PHACTR4: variants seen among roughly 807,000 people sequenced by gnomAD.
The protein encoded by PHACTR4 is phosphatase and actin regulator 4.
PHACTR4 carries 51 observed loss-of-function variants against 72.7 expected under a neutral mutation model. The observed-to-expected ratio is 0.70, with a 90% CI of 0.56 to 0.89. PHACTR4 has a LOEUF of 0.89. PHACTR4 is among the 40% of genes least tolerant of loss of function. PHACTR4 has a pLI of 0.00. For missense variants in PHACTR4, 731 were observed against 861.8 expected, an observed-to-expected ratio of 0.85 and a Z score of 1.90; for synonymous variants, 255 against 302.5, an observed-to-expected ratio of 0.84 and a Z score of 1.63.
intron 2 of PHACTR4, among the ~76,000 whole-genome samples, chr1:28,409,951 ATTTTTTTTTTTTTTTTTTTTTT>A (rs57186471): frequency 0.022 from 1,495 of 66,544 alleles, 70 homozygotes; most frequent in African/African-American, 0.09. Context: ...TTCTTCATAA[ATTTTTTTTTTTTTTTTTTTTTT>A]TTTTTTTTTT....
chr1:28,471,660 C>A (rs1659568895), intron 6 of PHACTR4, among the ~76,000 whole-genome samples: 1 of 152,038 alleles, frequency 6.6e-6, no homozygotes, highest in Admixed American at 6.6e-5. Context: ...TGAAACAACA[C>A]CAACACCTTT....
chr1:28,378,058 A>G (rs192152442), intron 1 of PHACTR4, among the ~76,000 whole-genome samples: 1,548 of 150,434 alleles, frequency 0.01, 33 homozygotes, highest in African/African-American at 0.036. Flanking sequence ...TTATCCGGGC[A>G]TGGTGGTGGG....
rs1661028227 is a variant in PHACTR4 at position 28,491,402 on chromosome 1, G to T, written c.1879-248G>T. 7.3e-5 allele frequency among the ~76,000 whole-genome samples: 11 copies of T among 151,652 alleles called. No individual in the cohort carries two copies. In the South Asian group the frequency reaches 2.3e-3, roughly 32 times the overall value. On this transcript the variant is annotated intron_variant, in intron 11 of 13. Coordinates refer to ENST00000373839, the MANE Select transcript of PHACTR4 (RefSeq NM_001048183.3). Reference sequence around the variant, plus strand: ...GAGCTTGGGAGGTTGAGGCTGCAGTGAGCTGTGATTGTGCCACTGCACTCC... The same window carrying T: ...GAGCTTGGGAGGTTGAGGCTGCAGTTAGCTGTGATTGTGCCACTGCACTCC...
intron 13 of PHACTR4, among the ~76,000 whole-genome samples, chr1:28,496,285 T>C (rs1213164682): frequency 2.6e-5 from 4 of 151,740 alleles, no homozygotes; most frequent in African/African-American, 9.7e-5. Context: ...CTCAATCTCC[T>C]GACCTCTTGA....
chr1:28,476,194 A>G lies in PHACTR4; in HGVS notation c.1509A>G (p.Pro503=), dbSNP rs745350514. The change falls in exon 8 of 14, where the codon CCA becomes CCG. Residue 503 remains proline, a synonymous_variant. Coordinates refer to ENST00000373839, the MANE Select transcript of PHACTR4 (RefSeq NM_001048183.3). Reference sequence around the variant, plus strand: ...CTACCTCAGTCATTCCTAAATTACCACAGTGTCTACGGGAGGAAGAAGAGA... The same window carrying G: ...CTACCTCAGTCATTCCTAAATTACCGCAGTGTCTACGGGAGGAAGAAGAGA... ...MTPTSVIPKL[P]QCLREEEEKE... is the part of the protein sequence containing the mutation. The G allele has an allele frequency of 1.2e-6, 2 of 1,613,314 alleles. No homozygotes were observed. Among genetic ancestry groups the G allele is most frequent in the South Asian group, 2.2e-5 (2 of 91,044 alleles).
Position 28,466,525 on chromosome 1 carries a change from G to T in PHACTR4, c.580G>T (p.Gly194Cys). 6.2e-7 allele frequency: 1 copy of T among 1,614,018 alleles called. No homozygotes were observed. The highest frequency in any genetic ancestry group is 1.6e-4 in the Middle Eastern group (1 of 6,062). ...AGCAAAGGATGCCACTTCCTCTGGCGGCACGGCAAGGTTCATCATCTCCAC... is the reference window on the plus strand; with the variant it reads ...AGCAAAGGATGCCACTTCCTCTGGCTGCACGGCAAGGTTCATCATCTCCAC... ...GQAKDATSSG[G>C]TARFIISTSI... is the part of the protein sequence containing the mutation. Residue 194 changes from glycine to cysteine, a missense_variant, in exon 6 of 14, where the codon GGC (glycine) becomes TGC (cysteine). Physicochemically the swap from Gly to Cys is radical, Grantham distance 159 (BLOSUM62 -3). This residue lies in a region of PHACTR4 where 621 missense variants were observed against 676.6 expected (regional missense o/e 0.92). Coordinates refer to ENST00000373839, the MANE Select transcript of PHACTR4 (RefSeq NM_001048183.3).
intron 2 of PHACTR4, among the ~76,000 whole-genome samples, chr1:28,447,504 C>G (rs1303483205): frequency 6.6e-6 from 1 of 151,752 alleles, no homozygotes; most frequent in African/African-American, 2.4e-5. Flanking sequence ...ATTCTCCTGC[C>G]TCAGCCTCCC....
intron 1 of PHACTR4, among the ~76,000 whole-genome samples, chr1:28,377,254 T>G (rs1231969325): frequency 6.7e-6 from 1 of 149,458 alleles, no homozygotes; most frequent in Non-Finnish European, 1.5e-5. Flanking sequence ...TTTTTTTTTT[T>G]GTAGACGGGA....
intron 2 of PHACTR4, among the ~76,000 whole-genome samples, chr1:28,415,130 G>A (rs563631164): frequency 2.6e-5 from 4 of 151,974 alleles, no homozygotes; most frequent in East Asian, 1.9e-4. Context: ...GCATGATGGC[G>A]TGCTACTGTA....
chr1:28,442,130 C>A (rs188945100), intron 2 of PHACTR4, among the ~76,000 whole-genome samples: 5 of 152,126 alleles, frequency 3.3e-5, no homozygotes, highest in Admixed American at 2.0e-4. Context: ...TTAAATTAGG[C>A]ACAAGACCGA....
intron 8 of PHACTR4, among the ~76,000 whole-genome samples, chr1:28,476,806 T>C (rs1322199821): frequency 3.4e-5 from 4 of 118,458 alleles, no homozygotes; most frequent in Non-Finnish European, 5.1e-5. Context: ...GTTTTGCTCT[T>C]GTTGCCCAGG....
Position 28,499,504 on chromosome 1 carries a change from G to A in PHACTR4, c.*2955G>A, listed in dbSNP as rs1351210774. ...TTGTTTTGTTTTGTTTTTGGAGATA[G>A]GGTCTCACTCTGTTACCCATGCTGG... On this transcript the variant is annotated 3_prime_UTR_variant, in exon 14 of 14. Coordinates refer to ENST00000373839, the MANE Select transcript of PHACTR4 (RefSeq NM_001048183.3). 7.0e-6 allele frequency: 1 copy of A among 143,720 alleles called. No homozygotes were observed. Among genetic ancestry groups the A allele is most frequent in the East Asian group, 1.9e-4 (1 of 5,156 alleles). The allele number at this position is 143,720 out of a possible 1,614,324, so 8.9% of individuals were successfully genotyped here.
rs559323456 is a variant in PHACTR4, at chr1:28,373,061, G to C, written c.-39+3236G>C. On this transcript the variant is annotated intron_variant, in intron 1 of 13. Coordinates refer to ENST00000373839, the MANE Select transcript of PHACTR4 (RefSeq NM_001048183.3). ...TAGCCTCAACCTCTTGGGCTCAAAT[G>C]ATCCTCCCACTTCAGCCTTCTGAGT... 2.0e-5 allele frequency among the ~76,000 whole-genome samples: 3 copies of C among 152,020 alleles called. No individual in the cohort carries two copies. The South Asian group carries it at 6.2e-4, about 32-fold the overall frequency.
intron 1 of PHACTR4, among the ~76,000 whole-genome samples, chr1:28,370,412 G>A (rs1359672285): frequency 6.6e-6 from 1 of 151,312 alleles, no homozygotes; most frequent in East Asian, 2.0e-4. Flanking sequence ...TGAGATTAAG[G>A]AAAAGAAGCG....
intron 2 of PHACTR4, among the ~76,000 whole-genome samples, chr1:28,424,901 C>T (rs1317055854): frequency 6.6e-6 from 1 of 151,290 alleles, no homozygotes; most frequent in Non-Finnish European, 1.5e-5. Context: ...TCAAACAATT[C>T]TCCCTGCCTC....
At chr1:28,423,792 G>A (rs1017000758) in intron 2 of PHACTR4, among the ~76,000 whole-genome samples, 3 of 152,136 alleles carry the variant, frequency 2.0e-5, no homozygotes, top group African/African-American at 4.8e-5. Context: ...AGACAAGTTA[G>A]TATATGTAAA....
chr1:28,408,084 C>T lies in PHACTR4; in HGVS notation c.16+621C>T, dbSNP rs138522658. ...GCAGTGAGCTGAGATCGCGCCACTG[C>T]GCTCCATCCTGGGCAACAGAGCAAG... On this transcript the variant is annotated intron_variant, in intron 2 of 13. Coordinates refer to ENST00000373839, the MANE Select transcript of PHACTR4 (RefSeq NM_001048183.3). 5.1e-4 allele frequency among the ~76,000 whole-genome samples: 78 copies of T among 152,348 alleles called. No homozygotes were observed. In the South Asian group the frequency reaches 9.7e-3, roughly 19 times the overall value.
intron 2 of PHACTR4, among the ~76,000 whole-genome samples, chr1:28,442,793 A>G (rs987379999): frequency 6.7e-6 from 1 of 148,922 alleles, no homozygotes; most frequent in African/African-American, 2.5e-5. Context: ...AGTGTGAGCC[A>G]CTGTGCCTGG....
chr1:28,376,760 C>G (rs1462786351), intron 1 of PHACTR4, among the ~76,000 whole-genome samples: 2 of 151,958 alleles, frequency 1.3e-5, no homozygotes, highest in Non-Finnish European at 2.9e-5. Flanking sequence ...CCTCAGCCTC[C>G]CAAGTAGCTG....
Sources: gnomAD v4.1 joint callset for allele counts (sites outside exome capture counted in the v4.1 genomes callset) on GRCh38, gnomAD v4.1.1 for gene constraint, gnomAD v4.1.1 regional missense constraint, MANE v1.5 for transcripts, NCBI Gene and HGNC (gene_info 2026-07-23, HGNC 2026-07-21) for gene names.